MYRFL: variants seen among roughly 807,000 people sequenced by gnomAD.
The protein encoded by MYRFL is myelin regulatory factor like.
In MYRFL, 88 loss-of-function variants were observed where a neutral mutation model predicts 109.4. The observed-to-expected ratio is 0.80, with a 90% CI of 0.68 to 0.96. The LOEUF is 0.96. Ranked by LOEUF, MYRFL falls within the 40% of genes least tolerant of loss-of-function variation. The pLI is 0.00. For missense variants in MYRFL, 957 were observed against 954.9 expected (o/e 1.00, Z -0.03); for synonymous variants, 324 against 320.9 (o/e 1.01, Z -0.10).
At chr12:69,944,516 A>T (rs1372607883) in intron 19 of MYRFL, among the ~76,000 whole-genome samples, 1 of 134,426 alleles carries the variant, frequency 7.4e-6, no homozygotes, top group East Asian at 2.5e-4. Flanking sequence ...GGGGAACATC[A>T]CACTCTGAGG....
intron 13 of MYRFL, among the ~76,000 whole-genome samples, chr12:69,914,730 A>C (rs769789202): frequency 6.6e-6 from 1 of 152,184 alleles, no homozygotes; most frequent in African/African-American, 2.4e-5. Flanking sequence ...GGTAGGGGGT[A>C]GCATTCCTGT....
At chr12:69,879,143 C>A (rs1441270219) in intron 3 of MYRFL, 48 bp downstream of exon 3, 1 of 630,696 alleles carries the variant, frequency 1.6e-6, no homozygotes, top group South Asian at 1.7e-5. Context: ...GCTCTTCCTC[C>A]TCGACTCTGG....
At chr12:69,896,206 A>G (rs1224350452) in intron 9 of MYRFL, among the ~76,000 whole-genome samples, 5 of 152,238 alleles carry the variant, frequency 3.3e-5, no homozygotes, top group African/African-American at 4.8e-5. Context: ...CCTACAAAAT[A>G]GAGACAATAA....
intron 10 of MYRFL, among the ~76,000 whole-genome samples, chr12:69,897,822 G>A (rs1238752025): frequency 1.3e-5 from 2 of 152,200 alleles, no homozygotes; most frequent in African/African-American, 4.8e-5. Flanking sequence ...GTGATTGGTA[G>A]CACCAGGGCA....
intron 16 of MYRFL, among the ~76,000 whole-genome samples, chr12:69,934,419 T>C (rs930330510): frequency 3.3e-5 from 5 of 152,208 alleles, no homozygotes; most frequent in African/African-American, 1.2e-4. Context: ...CTAATTAGTG[T>C]TTTTAGCTCT....
At chr12:69,849,547 A>G (rs74401324) in intron 1 of MYRFL, among the ~76,000 whole-genome samples, 2,238 of 152,340 alleles carry the variant, frequency 0.015, 64 homozygotes, top group African/African-American at 0.051. Context: ...TCTGTTTCAC[A>G]ATTGTGAAAA....
At chr12:69,950,984 G>T (rs2120543500) in intron 19 of MYRFL, among the ~76,000 whole-genome samples, 2 of 152,292 alleles carry the variant, frequency 1.3e-5, no homozygotes, top group East Asian at 3.9e-4. Flanking sequence ...AGGATTCAAA[G>T]AATATTAGTA....
At chr12:69,891,682 T>TTTCTTTCTTTCTTTCTTTCG (rs1277296623) in intron 7 of MYRFL, among the ~76,000 whole-genome samples, 2,199 of 101,234 alleles carry the variant, frequency 0.022, 84 homozygotes, top group East Asian at 0.077. Context: ...TCTTTCTTTC[T>TTTCTTTCTTTCTTTCTTTCG]TTCGTTCGTT....
At chr12:69,947,213 AC>A (rs1955861199) in intron 19 of MYRFL, 1 of 152,262 alleles carries the variant, frequency 6.6e-6, no homozygotes, top group Non-Finnish European at 1.5e-5. Flanking sequence ...AACAAAAAAA[AC>A]TTAGAAAAGC....
chr12:69,863,574 C>T (rs1396694668), intron 2 of MYRFL, among the ~76,000 whole-genome samples: 1 of 152,246 alleles, frequency 6.6e-6, no homozygotes, highest in African/African-American at 2.4e-5. Context: ...AGTCCCATTT[C>T]TCTTTCCCTT....
At chr12:69,952,673 A>C in intron 20 of MYRFL, 126 bp from the exon 21 acceptor site, 1 of 654,460 alleles carries the variant, frequency 1.5e-6, no homozygotes, top group South Asian at 2.4e-5. Flanking sequence ...TTTGAATACA[A>C]ATGGAATCTC....
At chr12:69,909,843 C>T in intron 11 of MYRFL, 126 bp from the exon 12 acceptor site, 1 of 718,750 alleles carries the variant, frequency 1.4e-6, no homozygotes, top group Non-Finnish European at 2.2e-6. Flanking sequence ...TTGGAATCCA[C>T]TTGAAGAAAT....
At chr12:69,904,903 T>G (rs1954306149) in intron 11 of MYRFL, among the ~76,000 whole-genome samples, 1 of 152,228 alleles carries the variant, frequency 6.6e-6, no homozygotes, top group African/African-American at 2.4e-5. Flanking sequence ...CCTTTCTCAG[T>G]GCAAATCTGC....
intron 21 of MYRFL, among the ~76,000 whole-genome samples, chr12:69,954,248 A>G (rs952777139): frequency 3.9e-5 from 6 of 152,202 alleles, no homozygotes; most frequent in Non-Finnish European, 8.8e-5. Flanking sequence ...TTTCAGCTAT[A>G]AGATGGGGAT....
intron 19 of MYRFL, among the ~76,000 whole-genome samples, chr12:69,937,925 C>T (rs2120491100): frequency 6.6e-6 from 1 of 152,338 alleles, no homozygotes; most frequent in African/African-American, 2.4e-5. Context: ...AAGTAGTTTA[C>T]ATGAGTAAAT....
At chr12:69,914,192 T>C (rs1171433095) in intron 13 of MYRFL, among the ~76,000 whole-genome samples, 1 of 152,186 alleles carries the variant, frequency 6.6e-6, no homozygotes, top group East Asian at 1.9e-4. Flanking sequence ...AATAAAATAC[T>C]GAAGTTTTCC....
At chr12:69,849,080 C>T (rs1047572065) in intron 1 of MYRFL, among the ~76,000 whole-genome samples, 5 of 151,644 alleles carry the variant, frequency 3.3e-5, no homozygotes, top group African/African-American at 1.2e-4. Context: ...CCATGTTTGC[C>T]AGGCTGGTTT....
intron 10 of MYRFL, among the ~76,000 whole-genome samples, chr12:69,902,399 A>G (rs1043439744): frequency 6.6e-6 from 1 of 152,230 alleles, no homozygotes; most frequent in Non-Finnish European, 1.5e-5. Flanking sequence ...CAATACCAAG[A>G]GAGTATATAG....
chr12:69,837,204 C>T (rs986106524), intron 1 of MYRFL, among the ~76,000 whole-genome samples: 2 of 152,144 alleles, frequency 1.3e-5, no homozygotes, highest in Admixed American at 6.5e-5. Flanking sequence ...AGGTATTGGC[C>T]CATTAGCTTC....
Sources: allele counts gnomAD v4.1 joint callset (sites outside exome capture counted in the v4.1 genomes callset), GRCh38; gene constraint gnomAD v4.1.1; transcripts MANE v1.5; gene names NCBI Gene and HGNC (gene_info 2026-07-23, HGNC 2026-07-21).